The following SLC39A14 variants were observed in gnomAD, a reference collection of about 807,000 sequenced individuals.
SLC39A14 encodes metal cation symporter ZIP14.
SLC39A14 carries 19 observed loss-of-function variants against 45.5 expected under a neutral mutation model. The ratio of observed to expected loss-of-function variants is 0.42; its 90% CI spans 0.29 to 0.61. The LOEUF (loss-of-function observed/expected upper bound fraction) is 0.61. Ranked by LOEUF, SLC39A14 falls within the 20% of genes least tolerant of loss-of-function variation. The pLI, the probability that SLC39A14 is intolerant of heterozygous loss-of-function variation, is 0.22. For synonymous variants in SLC39A14, 264 were observed against 251.3 expected (o/e 1.05, Z -0.48); for missense variants, 447 against 616.5 (o/e 0.73, Z 2.91).
At chr8:22,408,239 A>G in intron 2 of SLC39A14, 71 bp from the exon 3 acceptor site, 3 of 1,335,974 alleles carry the variant, frequency 2.2e-6, no homozygotes, top group Non-Finnish European at 3.1e-6. Flanking sequence ...AAGGCTGAGT[A>G]GGTTGCTGTT....
rs1256835145 is a variant in SLC39A14 at position 22,417,588 on chromosome 8, AT to A, written c.1148-61del. The A allele has an allele frequency of 2.9e-6, 4 of 1,399,616 alleles. No individual in the cohort carries two copies. In the East Asian group the frequency reaches 9.2e-5, roughly 32 times the overall value. 86.7% of individuals were successfully genotyped at this position (1,399,616 alleles called of 1,614,324 possible). On this transcript the variant is annotated intron_variant, in intron 7 of 8. Transcript: ENST00000381237. ...TGAGTAGCTGGGATGACAGGTGTGC[AT>A]TCACCATGCCCATCTTACTCTTCCT...
chr8:22,405,384 A>T (rs1835152705), intron 2 of SLC39A14, among the ~76,000 whole-genome samples: 2 of 152,320 alleles, frequency 1.3e-5, no homozygotes, highest in Admixed American at 1.3e-4. Context: ...ATGGTGGCGG[A>T]TGCCTGTGAT....
rs200694589 is a variant in SLC39A14 at position 22,409,871 on chromosome 8, C to T, written c.457+1375C>T. ...TGCCCCATCACACCTGAATTCAGAA[C>T]AGGGCCGCCCCAGGCAGCAGGAGTG... On this transcript the variant is annotated intron_variant, in intron 3 of 8. Coordinates refer to ENST00000381237, the MANE Select transcript of SLC39A14 (RefSeq NM_001128431.4). The T allele has an allele frequency of 1.0e-4, 157 of 1,522,162 alleles. No homozygotes were observed. In the East Asian group the frequency reaches 2.7e-3, roughly 26 times the overall value. 94.3% of individuals were successfully genotyped at this position (1,522,162 alleles called of 1,614,324 possible). A position where few individuals can be genotyped will look rare whatever the true frequency, so the allele number is the denominator to read the frequency against.
intron 1 of SLC39A14, among the ~76,000 whole-genome samples, chr8:22,371,451 T>TCC (rs1832931048): frequency 6.9e-6 from 1 of 144,150 alleles, no homozygotes; most frequent in East Asian, 2.0e-4. Flanking sequence ...TTTTTTTTTT[T>TCC]GAGACGGAGT....
At chr8:22,396,418 G>GC (rs1834407332) in intron 1 of SLC39A14, among the ~76,000 whole-genome samples, 35 of 842 alleles carry the variant, frequency 0.042, 13 homozygotes, top group African/African-American at 0.12. Context: ...AGAGAGGGGG[G>GC]GGGGAGAGAG....
intron 1 of SLC39A14, among the ~76,000 whole-genome samples, chr8:22,384,690 T>C (rs1431135920): frequency 6.8e-6 from 1 of 148,016 alleles, no homozygotes; most frequent in Non-Finnish European, 1.5e-5. Context: ...GAGGTTGCAG[T>C]GAGCCGAGAT....
At chr8:22,428,917 A>C (rs1412254639) in intron 8 of SLC39A14, among the ~76,000 whole-genome samples, 1 of 152,224 alleles carries the variant, frequency 6.6e-6, no homozygotes, top group Non-Finnish European at 1.5e-5. Flanking sequence ...TGAGCAAACG[A>C]AGGTAAGAAC....
chr8:22,417,597 G>A, intron 7 of SLC39A14, 54 bp from the exon 8 acceptor site: 1 of 1,465,530 alleles, frequency 6.8e-7, no homozygotes, highest in East Asian at 2.3e-5. Context: ...CATTCACCAT[G>A]CCCATCTTAC....
downstream of SLC39A14, among the ~76,000 whole-genome samples, chr8:22,423,811 T>A (rs529008706): frequency 5.4e-4 from 81 of 150,768 alleles, 1 homozygote; most frequent in African/African-American, 1.9e-3. Context: ...TCTCTCTCTC[T>A]CATCTATCTT....
chr8:22,402,966 GTGTT>G (rs10676463), intron 1 of SLC39A14, among the ~76,000 whole-genome samples: 40 of 150,328 alleles, frequency 2.7e-4, no homozygotes, highest in East Asian at 6.0e-4. Context: ...TTTAGTTATG[GTGTT>G]TGTTTGTTTG....
At chr8:22,386,055 T>C (rs1833773681) in intron 1 of SLC39A14, among the ~76,000 whole-genome samples, 1 of 152,114 alleles carries the variant, frequency 6.6e-6, no homozygotes, top group African/African-American at 2.4e-5. Flanking sequence ...TTCTCCTGCC[T>C]CAGCTTCCCA....
intron 1 of SLC39A14, among the ~76,000 whole-genome samples, chr8:22,380,186 A>G (rs953644015): frequency 6.6e-6 from 1 of 152,100 alleles, no homozygotes; most frequent in African/African-American, 2.4e-5. Flanking sequence ...GGTGTCTTGG[A>G]ACCAATCCCC....
At chr8:22,423,870 C>G (rs989189243), downstream of SLC39A14, among the ~76,000 whole-genome samples, 1 of 148,396 alleles carries the variant, frequency 6.7e-6, no homozygotes, top group Non-Finnish European at 1.5e-5. Context: ...TTATATCTAT[C>G]TAGAGAGAGA....
rs563942809 is a variant in SLC39A14, at chr8:22,429,202, G to A, written c.1333-4689G>A. Among the ~76,000 whole-genome samples, 3 of 152,272 alleles carry A rather than the reference G, an allele frequency of 2.0e-5. No homozygotes were observed. In the South Asian group the frequency reaches 6.2e-4, roughly 32 times the overall value. Reference sequence around the variant, plus strand: ...CAGGAGAATGGCATGAACCCGGGAGGCAGAGCTTGCAGTGAGCCAAGATCT... The same window carrying A: ...CAGGAGAATGGCATGAACCCGGGAGACAGAGCTTGCAGTGAGCCAAGATCT... On this transcript the variant is annotated intron_variant, in intron 8 of 8. Transcript: ENST00000240095.
chr8:22,377,290 G>C (rs1467586358), intron 1 of SLC39A14, among the ~76,000 whole-genome samples: 1 of 151,444 alleles, frequency 6.6e-6, no homozygotes, highest in East Asian at 1.9e-4. Flanking sequence ...TTTTTTTTAA[G>C]TGTTTCCTTA....
chr8:22,373,383 G>A (rs984260245), intron 1 of SLC39A14, among the ~76,000 whole-genome samples: 1 of 152,044 alleles, frequency 6.6e-6, no homozygotes, highest in African/African-American at 2.4e-5. Flanking sequence ...TTTATTGGAT[G>A]ATAATGAGAT....
intron 1 of SLC39A14, among the ~76,000 whole-genome samples, chr8:22,375,640 C>T (rs957243204): frequency 6.6e-6 from 1 of 152,098 alleles, no homozygotes; most frequent in Non-Finnish European, 1.5e-5. Context: ...CAGGCATGCA[C>T]CACCATGCCC....
At chr8:22,418,614 C>T (rs1836033004) in intron 8 of SLC39A14, among the ~76,000 whole-genome samples, 1 of 151,892 alleles carries the variant, frequency 6.6e-6, no homozygotes, top group African/African-American at 2.4e-5. Context: ...TCACTGCAAC[C>T]TTGAACTCCG....
rs1287648653 is a variant in SLC39A14, at chr8:22,414,914, T to C, written c.750+12T>C. On this transcript the variant is annotated intron_variant, in intron 5 of 8. Coordinates refer to ENST00000381237, the MANE Select transcript of SLC39A14 (RefSeq NM_001128431.4). ...AGCAGAAAAATGAGGTGAGGCCCAA[T>C]TGTTGCTGAAGAAAGCTCTTCTAGG... The C allele has an allele frequency of 5.0e-6, 8 of 1,609,762 alleles. No individual in the cohort carries two copies. In the African/African-American group the frequency reaches 6.7e-5, roughly 14 times the overall value.
Sources: allele counts gnomAD v4.1 joint callset (sites outside exome capture counted in the v4.1 genomes callset), GRCh38; gene constraint gnomAD v4.1.1; transcripts MANE v1.5; gene names NCBI Gene and HGNC (gene_info 2026-07-23, HGNC 2026-07-21).